The following DNAH17 variants were observed in gnomAD, a reference collection of about 807,000 sequenced individuals.
DNAH17 encodes dynein axonemal heavy chain 17.
In DNAH17, 376 loss-of-function variants were observed where a neutral mutation model predicts 485.6. That is an observed-to-expected ratio of 0.77 (90% confidence interval 0.71 to 0.84). The LOEUF is 0.84. Among genes scored for constraint, DNAH17 ranks in the 40% least tolerant of loss-of-function variants. DNAH17 has a pLI of 0.00. For synonymous variants in DNAH17, 3,031 were observed against 2,405.9 expected (o/e 1.26, Z -7.60); for missense variants, 6,370 against 5,839.3 (o/e 1.09, Z -2.96).
At chr17:78,428,176 T>C in intron 77 of DNAH17, 1 of 378,620 alleles carries the variant, frequency 2.6e-6, no homozygotes, top group Non-Finnish European at 5.1e-6. Flanking sequence ...GCTGTTGTGC[T>C]GGCCAGGCCA....
rs536363671 is a variant in DNAH17, at chr17:78,575,153, C to T, written c.-25-71G>A. The T allele has an allele frequency of 4.8e-5, 47 of 981,960 alleles. 1 individual carries two copies. Among genetic ancestry groups the T allele is most frequent in the African/African-American group, 1.7e-4 (10 of 60,536 alleles). The allele number at this position is 981,960 out of a possible 1,614,324, so 60.8% of individuals were successfully genotyped here. On this transcript the variant is annotated intron_variant, in intron 1 of 80. Coordinates refer to ENST00000389840, the MANE Select transcript of DNAH17 (RefSeq NM_173628.4). ...CCAATTTCCCACCCATCCCTGGCAC[C>T]GCAGGAAATCTCTGTTTCTACCGGA...
rs927991944 is a variant in DNAH17, at chr17:78,466,596, T to C, written c.8940+59A>G. 19 of 1,492,062 alleles carry C rather than the reference T, an allele frequency of 1.3e-5. No homozygotes were observed. In the African/African-American group the frequency reaches 1.4e-4, roughly 11 times the overall value. 92.4% of individuals were successfully genotyped at this position (1,492,062 alleles called of 1,614,324 possible). On this transcript the variant is annotated intron_variant, in intron 56 of 80. Transcript: ENST00000389840. ...CCTTTTCTCCCAGGGAGCCAGCCCTTGGGCCTGTCCTTGTCCTCTGGGCTC... is the reference window on the plus strand; with the variant it reads ...CCTTTTCTCCCAGGGAGCCAGCCCTCGGGCCTGTCCTTGTCCTCTGGGCTC...
At chr17:78,431,088 A>G (rs1598437596) in intron 75 of DNAH17, among the ~76,000 whole-genome samples, 1 of 152,232 alleles carries the variant, frequency 6.6e-6, no homozygotes, top group Non-Finnish European at 1.5e-5. Flanking sequence ...TGTGTTGGCC[A>G]GGCTGGTCTT....
At chr17:78,549,162 T>TA (rs1205076986) in intron 16 of DNAH17, among the ~76,000 whole-genome samples, 1 of 152,186 alleles carries the variant, frequency 6.6e-6, no homozygotes, top group Non-Finnish European at 1.5e-5. Flanking sequence ...TGTGTGGTTG[T>TA]AATAGGAGGC....
intron 16 of DNAH17, among the ~76,000 whole-genome samples, chr17:78,549,927 GGA>G (rs1011164556): frequency 1.3e-5 from 2 of 152,170 alleles, no homozygotes; most frequent in African/African-American, 4.8e-5. Flanking sequence ...GTTCAGTAGA[GGA>G]GAGAGAGAGA....
intron 78 of DNAH17, 25 bp from the exon 79 acceptor site, chr17:78,426,625 G>A (rs377673019): frequency 1.3e-5 from 21 of 1,578,204 alleles, no homozygotes; most frequent in Non-Finnish European, 1.7e-5. Context: ...GATGGGTGTG[G>A]GGAGCCCTGA....
Position 78,460,233 on chromosome 17 carries a change from A to G in DNAH17, c.9364T>C (p.Cys3122Arg). The change falls in exon 59 of 81, where the codon TGT (cysteine) becomes CGT (arginine). Residue 3122 changes from cysteine (C) to arginine (R), a missense_variant. Transcript: ENST00000389840. ...TCTGCTTTGGCCAGGTCTGTTTCAC[A>G]GGCCTTTTGCTTCTCAGTGACGTTC... ...NKNVTEKQKA[C>R]ETDLAKAEPA... is the part of the protein sequence containing the mutation. The G allele has an allele frequency of 6.2e-7, 1 of 1,604,266 alleles. No individual in the cohort carries two copies. Among genetic ancestry groups the G allele is most frequent in the South Asian group, 1.1e-5 (1 of 89,438 alleles).
chr17:78,451,954 G>T (rs975727824), intron 65 of DNAH17, among the ~76,000 whole-genome samples: 2 of 151,964 alleles, frequency 1.3e-5, no homozygotes, highest in Non-Finnish European at 2.9e-5. Flanking sequence ...TCCCCTGGGA[G>T]CCCTGACCGA....
chr17:78,485,248 A>T (rs2089547241), intron 47 of DNAH17: 3 of 663,496 alleles, frequency 4.5e-6, no homozygotes, highest in Non-Finnish European at 7.5e-6. Context: ...GGTGGCAGGA[A>T]CCTTGCTCTC....
intron 16 of DNAH17, among the ~76,000 whole-genome samples, chr17:78,549,430 G>A (rs2091850594): frequency 6.6e-6 from 1 of 152,080 alleles, no homozygotes; most frequent in African/African-American, 2.4e-5. Context: ...TTCCCTCCTC[G>A]GAGGTCACCT....
chr17:78,571,401 A>AC, intron 4 of DNAH17, 23 bp from the exon 5 acceptor site: 2 of 1,588,918 alleles, frequency 1.3e-6, no homozygotes, highest in Non-Finnish European at 1.7e-6. Flanking sequence ...GTGAAGATCC[A>AC]CCTTTCATTG....
At chr17:78,438,950 T>C in intron 73 of DNAH17, 140 bp downstream of exon 73, 1 of 1,283,032 alleles carries the variant, frequency 7.8e-7, no homozygotes, top group Non-Finnish European at 1.0e-6. Context: ...GGATGCCTCC[T>C]CCTTCAGTGG....
chr17:78,564,878 G>A (rs1319794209), intron 11 of DNAH17, among the ~76,000 whole-genome samples: 1 of 151,946 alleles, frequency 6.6e-6, no homozygotes, highest in African/African-American at 2.4e-5. Flanking sequence ...GCATTTGAGT[G>A]GAAGGAAGGA....
intron 25 of DNAH17, among the ~76,000 whole-genome samples, chr17:78,515,267 G>T (rs2090750772): frequency 6.6e-6 from 1 of 152,200 alleles, no homozygotes. Flanking sequence ...CCACTACTTT[G>T]GGAGGCCGAG....
intron 17 of DNAH17, among the ~76,000 whole-genome samples, chr17:78,543,383 C>G (rs1034091908): frequency 6.6e-6 from 1 of 151,950 alleles, no homozygotes; most frequent in Non-Finnish European, 1.5e-5. Context: ...CTCCGCTTCC[C>G]GGGTTCACGC....
At chr17:78,538,261 T>C (rs570739158) in intron 18 of DNAH17, among the ~76,000 whole-genome samples, 1 of 152,274 alleles carries the variant, frequency 6.6e-6, no homozygotes, top group Non-Finnish European at 1.5e-5. Flanking sequence ...CAAGCCTGCC[T>C]GTCCCTCTCC....
rs1598555348 is a variant in DNAH17 at position 78,485,770 on chromosome 17, A to G, written c.7276-13T>C. 1 of 1,610,252 alleles carries G rather than the reference A, an allele frequency of 6.2e-7. No individual in the cohort carries two copies. The highest frequency in any genetic ancestry group is 8.5e-7 in the Non-Finnish European group (1 of 1,177,902). On this transcript the variant is annotated splice_polypyrimidine_tract_variant and intron_variant, in intron 46 of 80. Coordinates refer to ENST00000389840, the MANE Select transcript of DNAH17 (RefSeq NM_173628.4). ...GGACCAAAGAGGCCTGGGGCAGGGG[A>G]GGGAAGGGGAGGGAGCTGTGATTCT...
chr17:78,569,238 C>T lies in DNAH17; in HGVS notation c.1212G>A (p.Val404=), dbSNP rs781388002. 3.7e-6 allele frequency: 6 copies of T among 1,607,118 alleles called. No individual in the cohort carries two copies. The East Asian group carries it at 1.1e-4, about 30-fold the overall frequency. Residue 404 remains valine, a synonymous_variant, in exon 9 of 81, where the codon GTG becomes GTA. Coordinates refer to ENST00000389840, the MANE Select transcript of DNAH17 (RefSeq NM_173628.4). The part of the protein sequence containing the change: ...MKLFFKDKEP[V]PWEFPSSLAF... Reference sequence around the variant, plus strand: ...CAAGAGAAGAAGGGAATTCCCAAGGCACGGGCTCTTTGTCCTTAGAGGAGA... The same window carrying T: ...CAAGAGAAGAAGGGAATTCCCAAGGTACGGGCTCTTTGTCCTTAGAGGAGA...
intron 20 of DNAH17, among the ~76,000 whole-genome samples, chr17:78,530,881 G>GC: frequency 6.6e-6 from 1 of 152,300 alleles, no homozygotes; most frequent in East Asian, 1.9e-4. Flanking sequence ...TCCTCCTGCT[G>GC]CCCCAACCCT....
Sources: gnomAD v4.1 joint callset for allele counts (sites outside exome capture counted in the v4.1 genomes callset) on GRCh38, gnomAD v4.1.1 for gene constraint, MANE v1.5 for transcripts, NCBI Gene and HGNC (gene_info 2026-07-23, HGNC 2026-07-21) for gene names.